MYH11: variants seen among roughly 807,000 people sequenced by gnomAD.
MYH11 encodes the protein myosin-11.
MYH11 carries 80 observed loss-of-function variants against 246.6 expected under a neutral mutation model. The ratio of observed to expected loss-of-function variants is 0.32; its 90% CI spans 0.27 to 0.39. The LOEUF is 0.39. Among genes scored for constraint, MYH11 ranks in the 10% least tolerant of loss-of-function variants. The probability of loss-of-function intolerance (pLI) is 1.00; values close to 1 mark genes in which losing one functional copy is unlikely to be tolerated. For synonymous variants in MYH11, 1,071 were observed against 1,015.5 expected, an observed-to-expected ratio of 1.05 and a Z score of -1.04; for missense variants, 2,158 against 2,546.8, an observed-to-expected ratio of 0.85 and a Z score of 3.29.
At chr16:15,786,774 T>C (rs2042480134) in intron 4 of MYH11, 42 bp from the exon 5 acceptor site, 1 of 1,557,442 alleles carries the variant, frequency 6.4e-7, no homozygotes, top group Non-Finnish European at 8.8e-7. Context: ...CGTTCCATGG[T>C]GACCTTTCCG....
chr16:15,848,287 C>T (rs1394777101), intron 1 of MYH11, among the ~76,000 whole-genome samples: 1 of 139,098 alleles, frequency 7.2e-6, no homozygotes, highest in Non-Finnish European at 1.5e-5. Flanking sequence ...GGCTGGAGTG[C>T]AGTGACGCAA....
chr16:15,760,208 G>GAATT, intron 11 of MYH11, among the ~76,000 whole-genome samples: 2 of 152,050 alleles, frequency 1.3e-5, no homozygotes, highest in South Asian at 4.3e-4. Context: ...ACAGATGAAT[G>GAATT]AATGAATGAA....
At chr16:15,751,461 C>CCATCATCATCAT (rs377609666) in intron 15 of MYH11, among the ~76,000 whole-genome samples, 7 of 150,336 alleles carry the variant, frequency 4.7e-5, no homozygotes, top group East Asian at 2.0e-4. Flanking sequence ...CCGCGCCCGG[C>CCATCATCATCAT]CATCATCATC....
rs1264579700 is a variant in MYH11 at position 15,720,178 on chromosome 16, T to C, written c.4926A>G (p.Glu1642=). 3.1e-6 allele frequency: 5 copies of C among 1,613,986 alleles called. No individual in the cohort carries two copies. The highest frequency in any genetic ancestry group is 1.3e-5 in the African/African-American group (1 of 74,904). Residue 1642 remains glutamate (E), a synonymous_variant, in exon 34 of 41, where the codon GAA becomes GAG. Transcript: ENST00000300036. Reference sequence around the variant, plus strand: ...GCAGTTTGCGTAGCTGCTTGATGGCTTCCTCCCTCCCCTTGATGGCAGAGT... The same window carrying C: ...GCAGTTTGCGTAGCTGCTTGATGGCCTCCTCCCTCCCCTTGATGGCAGAGT... The part of the protein sequence containing the change: ...QADSAIKGRE[E]AIKQLRKLQA...
chr16:15,778,327 G>A (rs540367991), intron 7 of MYH11, among the ~76,000 whole-genome samples: 3 of 152,158 alleles, frequency 2.0e-5, no homozygotes, highest in African/African-American at 2.4e-5. Context: ...ATTTGGCCTC[G>A]GACAATGGCT....
chr16:15,755,651 G>A (rs908333270), intron 14 of MYH11, among the ~76,000 whole-genome samples: 9 of 152,146 alleles, frequency 5.9e-5, no homozygotes, highest in East Asian at 3.9e-4. Flanking sequence ...TTAGCTGGGC[G>A]GCCAGGCACG....
intron 1 of MYH11, among the ~76,000 whole-genome samples, chr16:15,852,922 G>A (rs779069072): frequency 1.3e-5 from 2 of 152,098 alleles, no homozygotes; most frequent in Non-Finnish European, 2.9e-5. Context: ...TGGCATTAGC[G>A]ATGTTTGACA....
intron 26 of MYH11, 60 bp downstream of exon 26, chr16:15,735,306 C>G: frequency 1.3e-6 from 2 of 1,586,344 alleles, no homozygotes; most frequent in Non-Finnish European, 1.7e-6. Flanking sequence ...GTCCCCTCTT[C>G]TGCCCCCATC....
intron 3 of MYH11, among the ~76,000 whole-genome samples, chr16:15,814,921 A>G (rs1456270883): frequency 6.6e-6 from 1 of 152,216 alleles, no homozygotes; most frequent in Non-Finnish European, 1.5e-5. Context: ...GGTATAATGT[A>G]CAAATTTCAC....
rs142613263 is a variant in MYH11, at chr16:15,720,950, G to A, written c.4680C>T (p.Asp1560=). ...TGTTGACTTCCAGCCGCAGTTTGGC[G>A]TCCTCCGTGGCTTGCAGCTCGTCCT... ...ELEDELQATE[D]AKLRLEVNMQ... The change falls in exon 33 of 41, where the codon GAC becomes GAT. Residue 1560 remains aspartate, a synonymous_variant. Coordinates refer to ENST00000300036, the MANE Select transcript of MYH11 (RefSeq NM_002474.3). 8.6e-5 allele frequency: 138 copies of A among 1,613,946 alleles called. No individual in the cohort carries two copies. Among genetic ancestry groups the A allele is most frequent in the Admixed American group, 2.0e-4 (12 of 59,982 alleles).
intron 1 of MYH11, among the ~76,000 whole-genome samples, chr16:15,838,638 T>A (rs6498581): frequency 0.04 from 6,041 of 152,032 alleles, 409 homozygotes; most frequent in African/African-American, 0.13. Flanking sequence ...GGTGGGCAAA[T>A]CACTTGAGGC....
In MYH11 at chr16:15,782,341, A is replaced by G. The variant is rs1316157968; in HGVS notation, c.726+44T>C. Reference sequence around the variant, plus strand: ...ACTCTGCAGCCCCAGGCAGGAGATGACACCAAAGCTTTTCTGGAAAATCCA... The same window carrying G: ...ACTCTGCAGCCCCAGGCAGGAGATGGCACCAAAGCTTTTCTGGAAAATCCA... On this transcript the variant is annotated intron_variant, in intron 6 of 40. Coordinates refer to ENST00000300036, the MANE Select transcript of MYH11 (RefSeq NM_002474.3). The G allele has an allele frequency of 1.9e-6, 3 of 1,553,554 alleles. No homozygotes were observed. In the African/African-American group the frequency reaches 4.1e-5, roughly 21 times the overall value.
intron 3 of MYH11, among the ~76,000 whole-genome samples, chr16:15,808,252 G>T (rs2043059830): frequency 6.6e-6 from 1 of 152,180 alleles, no homozygotes; most frequent in Non-Finnish European, 1.5e-5. Flanking sequence ...GCAGCTGACT[G>T]CTAATGCCTG....
At chr16:15,770,338 C>A (rs896790350) in intron 9 of MYH11, among the ~76,000 whole-genome samples, 1 of 152,098 alleles carries the variant, frequency 6.6e-6, no homozygotes, top group Non-Finnish European at 1.5e-5. Flanking sequence ...TCCAAACGGG[C>A]GTAGGCGTGG....
At chr16:15,747,494 A>G in intron 19 of MYH11, 76 bp downstream of exon 19, 1 of 1,574,368 alleles carries the variant, frequency 6.4e-7, no homozygotes, top group Non-Finnish European at 8.7e-7. Flanking sequence ...GCCTCTTAGA[A>G]TCAGGGAATC....
Position 15,747,899 on chromosome 16 carries a change from T to A in MYH11, c.2225A>T (p.Asp742Val). The change falls in exon 18 of 41, where the codon GAC becomes GTC. Residue 742 changes from aspartate to valine, a missense_variant. Asp to Val is a radical substitution (Grantham distance 152). Around this residue, in one of 11 missense-constraint regions of MYH11, gnomAD observed 56 missense variants for 47.2 expected, o/e 1.19. Coordinates refer to ENST00000300036, the MANE Select transcript of MYH11 (RefSeq NM_002474.3). ...AANAIPKGFM[D>V]GKQACILMIK... The stretch of plus-strand genomic sequence containing the variant: ...CATGAGAATGCAGGCCTGCTTCCCG[T>A]CCATGAAGCCTTTGGGGATGGCATT... The A allele has an allele frequency of 6.2e-7, 1 of 1,613,714 alleles. No homozygotes were observed. Among genetic ancestry groups the A allele is most frequent in the Non-Finnish European group, 8.5e-7 (1 of 1,179,982 alleles).
chr16:15,719,439 C>CATAGAGGAGGGAAGCGTGTGTCTT (rs1180197832), intron 35 of MYH11, 131 bp from the exon 36 acceptor site: 20 of 1,479,566 alleles, frequency 1.4e-5, no homozygotes, highest in Non-Finnish European at 1.8e-5. Flanking sequence ...CCCGTGAATA[C>CATAGAGGAGGGAAGCGTGTGTCTT]ATAGAGGAGG....
Position 15,720,962 on chromosome 16 carries a change from T to G in MYH11, c.4668A>C (p.Gln1556His), listed in dbSNP as rs148275462. 8 of 1,614,070 alleles carry G rather than the reference T, an allele frequency of 5.0e-6. No homozygotes were observed. The highest frequency in any genetic ancestry group is 6.8e-6 in the Non-Finnish European group (8 of 1,180,014). The change falls in exon 33 of 41, where the codon CAA (glutamine) becomes CAC (histidine). Residue 1556 changes from glutamine (Q) to histidine (H), a missense_variant. By Grantham distance (24) the Gln-to-His change is conservative (BLOSUM62 0). Around this residue, in one of 11 missense-constraint regions of MYH11, gnomAD observed 1,013 missense variants for 993.5 expected, o/e 1.02. Transcript: ENST00000300036. ...TQLEELEDELQATEDAKLRLE... is the reference protein window; with the variant it reads ...TQLEELEDELHATEDAKLRLE... ...GCCGCAGTTTGGCGTCCTCCGTGGC[T>G]TGCAGCTCGTCCTCCAGCTCTTCCA...
chr16:15,719,673 C>T lies in MYH11; in HGVS notation c.4994G>A (p.Arg1665His), dbSNP rs144813247. The T allele has an allele frequency of 1.1e-5, 18 of 1,614,064 alleles. No individual in the cohort carries two copies. The highest frequency in any genetic ancestry group is 1.1e-4 in the South Asian group (10 of 91,094). The stretch of plus-strand genomic sequence containing the variant: ...GGCAAAGATCTCATCTCTGGAGGCA[C>T]GGGCATCTTCCAGCTCTCTTTGAAA... The part of the protein sequence containing the change: ...KDFQRELEDA[R>H]ASRDEIFATA... The change falls in exon 35 of 41, where the codon CGT becomes CAT. Residue 1665 changes from arginine (R) to histidine (H), a missense_variant. Around this residue, in one of 11 missense-constraint regions of MYH11, gnomAD observed 1,013 missense variants for 993.5 expected, o/e 1.02. Transcript: ENST00000300036.
Sources: allele counts gnomAD v4.1 joint callset (sites outside exome capture counted in the v4.1 genomes callset), GRCh38; gene constraint gnomAD v4.1.1; regional missense constraint gnomAD v4.1.1; transcripts MANE v1.5; gene names NCBI Gene and HGNC (gene_info 2026-07-23, HGNC 2026-07-21).